Variants in BLTP3A observed in about 807,000 individuals in gnomAD.
The protein encoded by BLTP3A is ICBP90 binding protein 1.
the BLTP3A span, chr6:34,871,258 A>C: frequency 1.8e-6 from 2 of 1,087,098 alleles, no homozygotes; most frequent in Non-Finnish European, 2.6e-6. Flanking sequence ...AGGAAATATT[A>C]ATACATATTT....
At chr6:34,851,911 G>GC in the BLTP3A span, among the ~76,000 whole-genome samples, 1 of 152,048 alleles carries the variant, frequency 6.6e-6, no homozygotes, top group Non-Finnish European at 1.5e-5. Flanking sequence ...ACTGCCCCAG[G>GC]CCCACAGCAA....
chr6:34,853,555 ATTCTT>A, the BLTP3A span, among the ~76,000 whole-genome samples: 28 of 151,560 alleles, frequency 1.8e-4, no homozygotes, highest in Admixed American at 5.9e-4. Context: ...TCCTCTAAAA[ATTCTT>A]TTCTTTTCTT....
chr6:34,867,117 A>T, the BLTP3A span: 1 of 1,210,410 alleles, frequency 8.3e-7, no homozygotes, highest in East Asian at 2.7e-5. Flanking sequence ...TTGTCTCATG[A>T]ATGTCATAAG....
At chr6:34,847,861 A>G in the BLTP3A span, among the ~76,000 whole-genome samples, 1 of 122,470 alleles carries the variant, frequency 8.2e-6, no homozygotes, top group Non-Finnish European at 1.8e-5. Context: ...TTGCTTTTCT[A>G]GTTCTTTAAG....
chr6:34,837,828 G>A, the BLTP3A span, among the ~76,000 whole-genome samples: 6 of 152,316 alleles, frequency 3.9e-5, no homozygotes, highest in East Asian at 9.6e-4. Context: ...ACTAAAACAA[G>A]TATTATTTTG....
chr6:34,874,241 A>G, the BLTP3A span: 1 of 152,244 alleles, frequency 6.6e-6, no homozygotes, highest in African/African-American at 2.4e-5. Context: ...TAAAAAACAC[A>G]AAACCGGTCG....
the BLTP3A span, among the ~76,000 whole-genome samples, chr6:34,866,469 C>T: frequency 6.6e-6 from 1 of 151,230 alleles, no homozygotes; most frequent in Non-Finnish European, 1.5e-5. Context: ...TGCCCACTTT[C>T]CTTCATCTCA....
chr6:34,877,438 G>A, the BLTP3A span: 1 of 152,560 alleles, frequency 6.6e-6, no homozygotes, highest in African/African-American at 2.4e-5. Flanking sequence ...TTTTAATGTT[G>A]CAATATCTAG....
At chr6:34,821,857 T>G in the BLTP3A span, 8 of 1,614,118 alleles carry the variant, frequency 5.0e-6, no homozygotes, top group African/African-American at 8.0e-5. Flanking sequence ...CTTTGGCCAG[T>G]AGGCCTGCTT....
chr6:34,810,323 A>G, the BLTP3A span, among the ~76,000 whole-genome samples: 3 of 152,232 alleles, frequency 2.0e-5, no homozygotes, highest in African/African-American at 7.2e-5. Flanking sequence ...GCAATATGCA[A>G]TTTATTGGAG....
the BLTP3A span, among the ~76,000 whole-genome samples, chr6:34,796,107 G>A: frequency 6.6e-6 from 1 of 152,194 alleles, no homozygotes; most frequent in Non-Finnish European, 1.5e-5. Flanking sequence ...GGCATATCAA[G>A]TTAAATAAAG....
chr6:34,814,195 A>G, the BLTP3A span, among the ~76,000 whole-genome samples: 1 of 151,994 alleles, frequency 6.6e-6, no homozygotes, highest in Admixed American at 6.6e-5. Flanking sequence ...TTGTATTTTT[A>G]GTAGAGATGA....
At chr6:34,821,079 C>G in the BLTP3A span, among the ~76,000 whole-genome samples, 1 of 152,012 alleles carries the variant, frequency 6.6e-6, no homozygotes, top group African/African-American at 2.4e-5. Context: ...GCCTCAGCCT[C>G]TGGAGGAGCT....
chr6:34,833,878 C>T, the BLTP3A span, among the ~76,000 whole-genome samples: 16 of 144,970 alleles, frequency 1.1e-4, no homozygotes, highest in African/African-American at 2.6e-4. Context: ...GCCGAGATCG[C>T]GCCACTGCAC....
the BLTP3A span, among the ~76,000 whole-genome samples, chr6:34,839,881 C>T: frequency 6.6e-6 from 1 of 152,250 alleles, no homozygotes; most frequent in South Asian, 2.1e-4. Flanking sequence ...TTACAGGGGT[C>T]AATAGCTTCA....
the BLTP3A span, among the ~76,000 whole-genome samples, chr6:34,837,549 G>A: frequency 6.6e-6 from 1 of 152,038 alleles, no homozygotes; most frequent in African/African-American, 2.4e-5. Context: ...GTGGTGGTGT[G>A]TCCCTGTAGT....
the BLTP3A span, among the ~76,000 whole-genome samples, chr6:34,843,252 G>A: frequency 1.3e-5 from 2 of 151,982 alleles, no homozygotes; most frequent in South Asian, 4.2e-4. Context: ...CCAAAATGTT[G>A]GGATTATGGG....
chr6:34,844,014 TC>T, the BLTP3A span, among the ~76,000 whole-genome samples: 1 of 152,218 alleles, frequency 6.6e-6, no homozygotes, highest in Non-Finnish European at 1.5e-5. Flanking sequence ...GGAGTCTCAC[TC>T]CATTGCCCAG....
chr6:34,828,238 G>T, the BLTP3A span, among the ~76,000 whole-genome samples: 32 of 151,724 alleles, frequency 2.1e-4, no homozygotes, highest in African/African-American at 7.5e-4. Flanking sequence ...AGATCACGAG[G>T]TCAGGAGTTC....
Sources: allele counts gnomAD v4.1 joint callset (sites outside exome capture counted in the v4.1 genomes callset), GRCh38; gene constraint gnomAD v4.1.1; transcripts MANE v1.5; gene names NCBI Gene and HGNC (gene_info 2026-07-23, HGNC 2026-07-21).